The following RGS22 variants were observed in gnomAD, a reference collection of about 807,000 sequenced individuals.
The protein encoded by RGS22 is regulator of G-protein signaling 22.
RGS22 carries 148 observed loss-of-function variants against 172.9 expected under a neutral mutation model. The observed-to-expected ratio is 0.86, with a 90% CI of 0.75 to 0.98. The LOEUF is 0.98. Among genes scored for constraint, RGS22 ranks in the 50% least tolerant of loss-of-function variants. RGS22 has a pLI of 0.00. For missense variants in RGS22, 1,347 were observed against 1,440.8 expected (o/e 0.93, Z 1.05); for synonymous variants, 458 against 480.2 (o/e 0.95, Z 0.60).
At chr8:99,973,473 A>G (rs963462499) in intron 23 of RGS22, among the ~76,000 whole-genome samples, 8 of 152,278 alleles carry the variant, frequency 5.3e-5, no homozygotes, top group Admixed American at 1.3e-4. Context: ...ATGAGAACAC[A>G]TGGACACAGG....
At chr8:100,050,659 C>A (rs1821181503) in intron 10 of RGS22, among the ~76,000 whole-genome samples, 1 of 152,140 alleles carries the variant, frequency 6.6e-6, no homozygotes, top group East Asian at 1.9e-4. Context: ...AAACACAGGT[C>A]GTATCTACAG....
intron 10 of RGS22, among the ~76,000 whole-genome samples, chr8:100,051,513 A>C: frequency 5.1e-5 from 1 of 19,720 alleles, no homozygotes; most frequent in African/African-American, 1.8e-4. Flanking sequence ...ATATATATAA[A>C]TATATTTTTA....
At chr8:100,060,808 G>GA (rs1395405863) in intron 9 of RGS22, among the ~76,000 whole-genome samples, 2 of 151,970 alleles carry the variant, frequency 1.3e-5, no homozygotes, top group African/African-American at 4.8e-5. Flanking sequence ...CACAGAACTA[G>GA]AAAAAACTAT....
At chr8:100,002,606 G>GA (rs562574305) in intron 17 of RGS22, among the ~76,000 whole-genome samples, 8 of 151,118 alleles carry the variant, frequency 5.3e-5, no homozygotes, top group Non-Finnish European at 8.9e-5. Context: ...TTTGGGATCA[G>GA]AAAAAAAAAT....
intron 22 of RGS22, 135 bp downstream of exon 22, chr8:99,981,802 T>A: frequency 1.9e-5 from 9 of 483,936 alleles, no homozygotes; most frequent in Admixed American, 3.6e-5. Context: ...GCTCAAACAA[T>A]CTGCCTGCCT....
chr8:100,030,464 G>C (rs185443690), intron 14 of RGS22, among the ~76,000 whole-genome samples: 1 of 152,182 alleles, frequency 6.6e-6, no homozygotes. Context: ...GTTATCACAG[G>C]AGATGACAGC....
rs376997077 is a variant in RGS22, at chr8:100,047,536, T to G, written c.1750A>C (p.Thr584Pro). The change falls in exon 11 of 28, where the codon ACA becomes CCA. Residue 584 changes from threonine to proline, a missense_variant. Coordinates refer to ENST00000360863, the MANE Select transcript of RGS22 (RefSeq NM_015668.5). ...CGCTTCCAAGGCTTTTGAGTTGCTGTTTTTACTTCAGGTGATTTATTGGGA... is the reference window on the plus strand; with the variant it reads ...CGCTTCCAAGGCTTTTGAGTTGCTGGTTTTACTTCAGGTGATTTATTGGGA... ...KSPNKSPEVK[T>P]ATQKPWKREL... The G allele has an allele frequency of 3.1e-6, 5 of 1,613,240 alleles. No individual in the cohort carries two copies. The highest frequency in any genetic ancestry group is 4.2e-6 in the Non-Finnish European group (5 of 1,179,676).
intron 14 of RGS22, among the ~76,000 whole-genome samples, chr8:100,020,910 G>GCA (rs1351379560): frequency 6.6e-6 from 1 of 152,182 alleles, no homozygotes; most frequent in East Asian, 1.9e-4. Context: ...GGGTGCTACT[G>GCA]CACATCTCTT....
At chr8:100,061,638 C>A (rs1382031843) in intron 9 of RGS22, among the ~76,000 whole-genome samples, 1 of 152,122 alleles carries the variant, frequency 6.6e-6, no homozygotes, top group South Asian at 2.1e-4. Flanking sequence ...AGTAAAAAGT[C>A]AAAAAATAAC....
chr8:99,965,287 C>T, intron 24 of RGS22, 48 bp downstream of exon 24: 1 of 1,246,990 alleles, frequency 8.0e-7, no homozygotes, highest in Non-Finnish European at 1.2e-6. Context: ...ATTCCACTAT[C>T]CAATGCTCCA....
At chr8:100,026,444 T>C (rs1233366920) in intron 14 of RGS22, among the ~76,000 whole-genome samples, 4 of 152,254 alleles carry the variant, frequency 2.6e-5, no homozygotes, top group Non-Finnish European at 5.9e-5. Flanking sequence ...TTTCTTTTTC[T>C]CTTGTGAAAT....
In RGS22 at chr8:100,106,013, G is replaced by C; in HGVS notation, c.-92C>G. 1 of 1,198,902 alleles carries C rather than the reference G, an allele frequency of 8.3e-7. No homozygotes were observed. 74.3% of individuals were successfully genotyped at this position (1,198,902 alleles called of 1,614,324 possible). ...CGGGTCAGGGCCTGAGCGACGCGGC[G>C]ACGGCGCGCGGGCTCCGGAGCTACG... On this transcript the variant is annotated 5_prime_UTR_variant, in exon 1 of 28. Transcript: ENST00000360863.
In RGS22 at chr8:100,071,371, C is replaced by T; in HGVS notation, c.592G>A (p.Glu198Lys). 6.2e-7 allele frequency: 1 copy of T among 1,604,280 alleles called. No individual in the cohort carries two copies. The highest frequency in any genetic ancestry group is 8.5e-7 in the Non-Finnish European group (1 of 1,176,344). The change falls in exon 6 of 28, where the codon GAG becomes AAG. Residue 198 changes from glutamate to lysine, a missense_variant and splice_region_variant. Physicochemically the swap from Glu to Lys is moderately conservative, Grantham distance 56. Transcript: ENST00000360863. ...IMKKFYVSLG[E>K]ASYTQTKDWF... ...TGAAAAAATGCTCATACTTTTACCT[C>T]ACCAAGTGATACATAGAACTTTTTC... is the stretch of plus-strand genomic sequence containing the variant.
At chr8:100,058,792 G>T (rs1334311998) in intron 9 of RGS22, among the ~76,000 whole-genome samples, 1 of 152,056 alleles carries the variant, frequency 6.6e-6, no homozygotes. Flanking sequence ...TGAGCAATAA[G>T]TAATCACCTG....
chr8:100,003,486 T>G (rs969568024), intron 17 of RGS22, among the ~76,000 whole-genome samples: 2 of 152,024 alleles, frequency 1.3e-5, no homozygotes, highest in African/African-American at 4.8e-5. Flanking sequence ...TGTTATAAGG[T>G]TCCAAGATTC....
At chr8:100,000,802 G>A (rs1301268066) in intron 18 of RGS22, among the ~76,000 whole-genome samples, 1 of 152,102 alleles carries the variant, frequency 6.6e-6, no homozygotes, top group Admixed American at 6.6e-5. Context: ...GGGAACTAAG[G>A]ACAAAGCATT....
At chr8:100,104,796 G>C (rs73276950) in intron 2 of RGS22, among the ~76,000 whole-genome samples, 11,332 of 152,210 alleles carry the variant, frequency 0.074, 1,415 homozygotes, top group African/African-American at 0.26. Flanking sequence ...GGCTCTGACA[G>C]CTCCTATTTG....
chr8:100,033,442 C>T (rs373287486), intron 14 of RGS22, among the ~76,000 whole-genome samples: 1 of 151,906 alleles, frequency 6.6e-6, no homozygotes, highest in South Asian at 2.1e-4. Context: ...TTCCTTGACA[C>T]ATACACCCTC....
intron 23 of RGS22, among the ~76,000 whole-genome samples, chr8:99,966,204 A>G (rs1301205100): frequency 6.6e-6 from 1 of 152,234 alleles, no homozygotes; most frequent in Non-Finnish European, 1.5e-5. Context: ...GTTCTCACTT[A>G]TAAGTGGGAG....
Sources: gnomAD v4.1 joint callset for allele counts (sites outside exome capture counted in the v4.1 genomes callset) on GRCh38, gnomAD v4.1.1 for gene constraint, MANE v1.5 for transcripts, NCBI Gene and HGNC (gene_info 2026-07-23, HGNC 2026-07-21) for gene names.